CC2D2B: variants seen among roughly 807,000 people sequenced by gnomAD.
CC2D2B encodes the protein coiled-coil and C2 domain containing 2B.
Under a neutral mutation model 161.2 loss-of-function variants are expected in CC2D2B, and 128 were observed. The ratio of observed to expected loss-of-function variants is 0.79; its 90% CI spans 0.69 to 0.92. The LOEUF (loss-of-function observed/expected upper bound fraction) is 0.92, where lower values mean the gene tolerates loss of function less well. Among genes scored for constraint, CC2D2B ranks in the 40% least tolerant of loss-of-function variants. The pLI is 0.00. For missense variants in CC2D2B, 1,173 were observed against 1,375.1 expected, an observed-to-expected ratio of 0.85 and a Z score of 2.32; for synonymous variants, 391 against 449.8, an observed-to-expected ratio of 0.87 and a Z score of 1.65.
At chr10:95,976,471 G>C (rs1210777312) in intron 17 of CC2D2B, among the ~76,000 whole-genome samples, 1 of 152,206 alleles carries the variant, frequency 6.6e-6, no homozygotes, top group Non-Finnish European at 1.5e-5. Flanking sequence ...GGTTTTCAAA[G>C]TCCAGGGCCC....
chr10:95,989,137 C>G (rs979082053), intron 20 of CC2D2B, among the ~76,000 whole-genome samples: 4 of 152,142 alleles, frequency 2.6e-5, no homozygotes, highest in Non-Finnish European at 5.9e-5. Context: ...GAGATACATT[C>G]CAGATCCCTC....
intron 6 of CC2D2B, among the ~76,000 whole-genome samples, chr10:95,928,723 C>A (rs1397346801): frequency 7.1e-6 from 1 of 141,508 alleles, no homozygotes; most frequent in Non-Finnish European, 1.5e-5. Context: ...CATGTCCCTG[C>A]AAAGGACATG....
chr10:95,923,292 C>T (rs531759940), intron 3 of CC2D2B, among the ~76,000 whole-genome samples: 37 of 152,170 alleles, frequency 2.4e-4, no homozygotes, highest in Non-Finnish European at 3.2e-4. Flanking sequence ...TGCTATGTTG[C>T]GCAAGCTGGT....
chr10:96,019,854 A>T (rs1339482118), intron 32 of CC2D2B, 30 bp downstream of exon 32: 2 of 1,573,870 alleles, frequency 1.3e-6, no homozygotes, highest in African/African-American at 2.8e-5. Flanking sequence ...GGGTGTCTGT[A>T]TGAGAGTTAC....
chr10:95,944,247 C>T (rs1456439874), intron 9 of CC2D2B, among the ~76,000 whole-genome samples: 2 of 152,118 alleles, frequency 1.3e-5, no homozygotes, highest in African/African-American at 4.8e-5. Context: ...GCTTATCATA[C>T]CATGAGAGAC....
At chr10:95,964,495 G>C (rs1015571238) in intron 12 of CC2D2B, among the ~76,000 whole-genome samples, 1 of 152,104 alleles carries the variant, frequency 6.6e-6, no homozygotes, top group Admixed American at 6.6e-5. Flanking sequence ...ATGTCGTATT[G>C]ATTGCCCTGA....
chr10:95,988,708 G>A (rs1229294908), intron 20 of CC2D2B, among the ~76,000 whole-genome samples: 2 of 152,154 alleles, frequency 1.3e-5, no homozygotes, highest in Admixed American at 6.5e-5. Context: ...AGGAGATGAA[G>A]GGATGAAGGA....
At chr10:95,941,938 A>C (rs965701141) in intron 9 of CC2D2B, among the ~76,000 whole-genome samples, 7 of 152,230 alleles carry the variant, frequency 4.6e-5, no homozygotes, top group Non-Finnish European at 1.0e-4. Flanking sequence ...AGGTGGAAAC[A>C]ACCTAGCTGT....
chr10:96,006,875 A>G lies in CC2D2B; in HGVS notation c.2946+2627A>G, dbSNP rs534145196. On this transcript the variant is annotated intron_variant, in intron 25 of 34. Transcript: ENST00000646931. ...CCACATACACATTATAGCTCCAGAT[A>G]TTGTCTTCTTTTTATTACTTGATAC... is the stretch of plus-strand genomic sequence containing the variant. 8.5e-4 allele frequency among the ~76,000 whole-genome samples: 130 copies of G among 152,226 alleles called. 3 individuals carry two copies. In the South Asian group the frequency reaches 0.025, roughly 30 times the overall value.
rs557828142 is a variant in CC2D2B, at chr10:96,021,928, A to C, written c.3888+2104A>C. Among the ~76,000 whole-genome samples, 7 of 152,348 alleles carry C rather than the reference A, an allele frequency of 4.6e-5. No homozygotes were observed. The South Asian group carries it at 1.4e-3, about 32-fold the overall frequency. ...GTGGATGTTCATTACATTATTCTCT[A>C]TGTTTGCCTGTATAGATTCAAGGCA... On this transcript the variant is annotated intron_variant, in intron 32 of 34. Transcript: ENST00000646931.
chr10:95,935,562 G>A (rs868666368), intron 6 of CC2D2B, among the ~76,000 whole-genome samples: 4 of 150,632 alleles, frequency 2.7e-5, no homozygotes, highest in Admixed American at 6.6e-5. Flanking sequence ...GGGGGGACCT[G>A]GTCCCCTTAG....
At chr10:95,945,912 G>A (rs964503951) in intron 9 of CC2D2B, among the ~76,000 whole-genome samples, 5 of 151,322 alleles carry the variant, frequency 3.3e-5, no homozygotes, top group African/African-American at 1.2e-4. Context: ...AGCCTCCCGA[G>A]TAGCTGGGAT....
chr10:95,952,752 G>C (rs1280847348), intron 10 of CC2D2B, among the ~76,000 whole-genome samples: 1 of 151,716 alleles, frequency 6.6e-6, no homozygotes, highest in East Asian at 1.9e-4. Flanking sequence ...CCATAATATA[G>C]GTTTATTTTA....
intron 17 of CC2D2B, among the ~76,000 whole-genome samples, chr10:95,974,639 T>C (rs1453493515): frequency 6.6e-6 from 1 of 152,050 alleles, no homozygotes; most frequent in Non-Finnish European, 1.5e-5. Flanking sequence ...TTGAGGGAAA[T>C]GGTAAATATA....
At chr10:95,951,844 A>G (rs550433869) in intron 10 of CC2D2B, among the ~76,000 whole-genome samples, 3 of 152,258 alleles carry the variant, frequency 2.0e-5, no homozygotes, top group East Asian at 3.9e-4. Context: ...AATATGTTTC[A>G]GTATTATTAT....
At chr10:95,993,621 C>T (rs890550376) in intron 22 of CC2D2B, among the ~76,000 whole-genome samples, 1 of 150,364 alleles carries the variant, frequency 6.7e-6, no homozygotes, top group Non-Finnish European at 1.5e-5. Flanking sequence ...ATTTCAAAGG[C>T]TGTTTTGTGA....
chr10:95,918,998 T>G (rs1480438177), intron 2 of CC2D2B: 1 of 152,186 alleles, frequency 6.6e-6, no homozygotes, highest in Non-Finnish European at 1.5e-5. Context: ...TAAATTTGTC[T>G]CATAACATTC....
intron 2 of CC2D2B, among the ~76,000 whole-genome samples, chr10:95,918,361 C>G (rs747008881): frequency 1.3e-5 from 2 of 152,182 alleles, no homozygotes; most frequent in Non-Finnish European, 2.9e-5. Context: ...TCTCCTTCAT[C>G]TTTGACGATA....
At chr10:95,975,097 GA>G (rs2077267474) in intron 17 of CC2D2B, among the ~76,000 whole-genome samples, 1 of 152,188 alleles carries the variant, frequency 6.6e-6, no homozygotes, top group African/African-American at 2.4e-5. Context: ...TGTTTATGGG[GA>G]TGGGGTACAT....
Sources: allele counts gnomAD v4.1 joint callset (sites outside exome capture counted in the v4.1 genomes callset), GRCh38; gene constraint gnomAD v4.1.1; transcripts MANE v1.5; gene names NCBI Gene and HGNC (gene_info 2026-07-23, HGNC 2026-07-21).